The following TBCD variants were observed in gnomAD, a reference collection of about 807,000 sequenced individuals.
TBCD encodes the protein tubulin-specific chaperone D.
A neutral mutation model predicts 169.3 loss-of-function variants in TBCD; 105 were observed. The ratio of observed to expected loss-of-function variants is 0.62; its 90% CI spans 0.53 to 0.73. TBCD has a LOEUF of 0.73. Ranked by LOEUF, TBCD falls within the 30% of genes least tolerant of loss-of-function variation. TBCD has a pLI of 0.00. For synonymous variants in TBCD, 700 were observed against 643.9 expected (o/e 1.09, Z -1.32); for missense variants, 1,444 against 1,600.1 (o/e 0.90, Z 1.66).
chr17:82,883,914 C>A (rs1384254087), intron 14 of TBCD, among the ~76,000 whole-genome samples: 1 of 152,100 alleles, frequency 6.6e-6, no homozygotes, highest in Non-Finnish European at 1.5e-5. Flanking sequence ...TCTCGTGGCT[C>A]TCGTTAGAAC....
At chr17:82,846,306 G>C (rs574269663) in intron 13 of TBCD, among the ~76,000 whole-genome samples, 2 of 138,140 alleles carry the variant, frequency 1.4e-5, no homozygotes, top group Non-Finnish European at 3.2e-5. Context: ...CCCCCTCCAC[G>C]TGCTGCGTCC....
chr17:82,870,008 GT>G (rs1454506006), intron 13 of TBCD, among the ~76,000 whole-genome samples: 7 of 152,208 alleles, frequency 4.6e-5, no homozygotes, highest in African/African-American at 1.7e-4. Flanking sequence ...CTGGATCTGA[GT>G]TGGTGAGCAT....
At chr17:82,847,434 C>T (rs375506543) in intron 13 of TBCD, among the ~76,000 whole-genome samples, 3 of 150,584 alleles carry the variant, frequency 2.0e-5, no homozygotes, top group African/African-American at 4.9e-5. Context: ...GACAACTCAG[C>T]GATGCAGAGA....
intron 14 of TBCD, among the ~76,000 whole-genome samples, chr17:82,877,674 A>G (rs1002436539): frequency 1.3e-5 from 2 of 152,238 alleles, no homozygotes; most frequent in Non-Finnish European, 2.9e-5. Flanking sequence ...AGAAGATCAC[A>G]TTCATATGTC....
In TBCD at chr17:82,833,573, AC is replaced by A. The variant is rs2053699380; in HGVS notation, c.1318+18640del. Among the ~76,000 whole-genome samples the A allele has an allele frequency of 6.6e-6, 1 of 152,216 alleles. No individual in the cohort carries two copies. Among genetic ancestry groups the A allele is most frequent in the Non-Finnish European group, 1.5e-5 (1 of 68,034 alleles). On this transcript the variant is annotated intron_variant, in intron 13 of 38. Transcript: ENST00000355528. This position sits in a 1 kb window ranked among gnomAD's most constrained non-coding sequence, Gnocchi z 4.7. ...CTGTGAGTGACAGCAGCATTGTGAG[AC>A]ATGCTTTCACGGTCACCCGGTTCCT...
Position 82,927,899 on chromosome 17 carries a change from C to T in TBCD, c.2610-6C>T, listed in dbSNP as rs994409105. On this transcript the variant is annotated splice_region_variant and splice_polypyrimidine_tract_variant and intron_variant, in intron 29 of 38. Coordinates refer to ENST00000355528, the MANE Select transcript of TBCD (RefSeq NM_005993.5). ...TGGGTGTCTCTGCCTCTCCTTGTCCCATCAGGGTCCGCAAGGCCGCCATGA... is the reference window on the plus strand; with the variant it reads ...TGGGTGTCTCTGCCTCTCCTTGTCCTATCAGGGTCCGCAAGGCCGCCATGA... 40 of 1,613,270 alleles carry T rather than the reference C, an allele frequency of 2.5e-5. No homozygotes were observed. Among genetic ancestry groups the T allele is most frequent in the Non-Finnish European group, 3.2e-5 (38 of 1,179,516 alleles).
At position 82,838,948 on chromosome 17, in the gene TBCD, G is replaced by A. The variant is rs933591552; in HGVS notation, c.1318+24014G>A. 6.1e-6 allele frequency: 6 copies of A among 985,266 alleles called. No individual in the cohort carries two copies. The East Asian group carries it at 3.4e-4, about 56-fold the overall frequency. The allele number at this position is 985,266 out of a possible 1,614,324, so 61.0% of individuals were successfully genotyped here. ...GAAAATTAGGGGCACAGATGTGGAC[G>A]GACTGTGCTTGGTCAGTAATTGTTC... On this transcript the variant is annotated intron_variant, in intron 13 of 38. Transcript: ENST00000355528.
intron 3 of TBCD, 24 bp downstream of exon 3, chr17:82,764,086 A>T (rs1300143633): frequency 1.3e-6 from 2 of 1,560,504 alleles, no homozygotes; most frequent in Non-Finnish European, 1.8e-6. Context: ...AGCACTTCAG[A>T]GTTGACAGAT....
chr17:82,936,376 C>G (rs2062627702), intron 34 of TBCD, among the ~76,000 whole-genome samples: 1 of 151,308 alleles, frequency 6.6e-6, no homozygotes, highest in Non-Finnish European at 1.5e-5. Flanking sequence ...TCGCCGTTCC[C>G]TGCGGCCCTT....
At chr17:82,773,611 A>G (rs548929975) in intron 6 of TBCD, among the ~76,000 whole-genome samples, 45 of 152,226 alleles carry the variant, frequency 3.0e-4, no homozygotes, top group African/African-American at 1.0e-3. Context: ...AACTCTGTCC[A>G]TGGCTCAGTT....
At chr17:82,888,991 CG>C (rs2058946708) in intron 15 of TBCD, among the ~76,000 whole-genome samples, 1 of 152,122 alleles carries the variant, frequency 6.6e-6, no homozygotes, top group African/African-American at 2.4e-5. Context: ...ACTCGGAGCC[CG>C]GGTGCTTTTG....
At chr17:82,878,493 C>A (rs2146132450) in intron 14 of TBCD, among the ~76,000 whole-genome samples, 1 of 127,778 alleles carries the variant, frequency 7.8e-6, no homozygotes, top group South Asian at 2.4e-4. Flanking sequence ...CTGTAGGACG[C>A]CCCTCTCTCT....
At chr17:82,772,609 A>ACCC (rs2048364107) in intron 6 of TBCD, 102 bp downstream of exon 6, 1 of 1,271,744 alleles carries the variant, frequency 7.9e-7, no homozygotes, top group South Asian at 1.2e-5. Flanking sequence ...CAGACGAAGG[A>ACCC]CCCCGGGAAG....
intron 13 of TBCD, among the ~76,000 whole-genome samples, chr17:82,821,892 A>G (rs1278438115): frequency 6.6e-6 from 1 of 152,240 alleles, no homozygotes. Context: ...TACATTTTAT[A>G]AATTTCGAAA....
chr17:82,766,407 G>GTGCCTGTCCTTCCTCCC (rs2048018514), intron 4 of TBCD, 39 bp downstream of exon 4: 1 of 1,509,546 alleles, frequency 6.6e-7, no homozygotes, highest in Admixed American at 1.8e-5. Flanking sequence ...CCAGCCCTCC[G>GTGCCTGTCCTTCCTCCC]TGCCTGTCCT....
chr17:82,871,982 C>T (rs2057602107), intron 14 of TBCD, among the ~76,000 whole-genome samples: 1 of 152,184 alleles, frequency 6.6e-6, no homozygotes, highest in Admixed American at 6.5e-5. Flanking sequence ...TCCGAAGGGT[C>T]TCGGTGACAG....
rs572114811 is a variant in TBCD, at chr17:82,883,321, C to G, written c.1476-824C>G. 8.1e-4 allele frequency among the ~76,000 whole-genome samples: 123 copies of G among 152,392 alleles called. 3 individuals are homozygous for G. The South Asian group carries it at 0.024, about 30-fold the overall frequency. On this transcript the variant is annotated intron_variant, in intron 14 of 38. Coordinates refer to ENST00000355528, the MANE Select transcript of TBCD (RefSeq NM_005993.5). ...TTTCCCTTTAGGCTGGTAGGAGGCG[C>G]AATCTCTCAAGCCTTCCTTAGAAAG...
At chr17:82,780,204 CA>C (rs1338871310) in intron 6 of TBCD, among the ~76,000 whole-genome samples, 1 of 152,206 alleles carries the variant, frequency 6.6e-6, no homozygotes, top group Non-Finnish European at 1.5e-5. Flanking sequence ...CCCTGGGCAG[CA>C]GCACTTTCCT....
intron 14 of TBCD, among the ~76,000 whole-genome samples, chr17:82,873,583 G>C (rs1331209525): frequency 6.6e-6 from 1 of 152,194 alleles, no homozygotes; most frequent in Non-Finnish European, 1.5e-5. Flanking sequence ...GAAAAGTCAC[G>C]AGCAAGAAAG....
Sources: allele counts gnomAD v4.1 joint callset (sites outside exome capture counted in the v4.1 genomes callset), GRCh38; gene constraint gnomAD v4.1.1; non-coding constraint Gnocchi (gnomAD v3.1); transcripts MANE v1.5; gene names NCBI Gene and HGNC (gene_info 2026-07-23, HGNC 2026-07-21).